The following BACH2 variants were observed in gnomAD, a reference collection of about 807,000 sequenced individuals.
The protein encoded by BACH2 is BACH transcriptional regulator 2.
Under a neutral mutation model 61.8 loss-of-function variants are expected in BACH2, and 5 were observed. The observed-to-expected ratio is 0.08, with a 90% confidence interval of 0.04 to 0.17. The LOEUF (loss-of-function observed/expected upper bound fraction) is 0.17. Among genes scored for constraint, BACH2 ranks in the 10% least tolerant of loss-of-function variants. The probability of loss-of-function intolerance (pLI) is 1.00; values close to 1 mark genes in which losing one functional copy is unlikely to be tolerated. For synonymous variants in BACH2, 446 were observed against 440.1 expected (o/e 1.01, Z -0.17); for missense variants, 824 against 1,091.1 (o/e 0.76, Z 3.45).
intron 4 of BACH2, among the ~76,000 whole-genome samples, chr6:90,106,795 C>T (rs1782940228): frequency 6.6e-6 from 1 of 152,216 alleles, no homozygotes. Flanking sequence ...CACATCACTG[C>T]ATACATCATT....
At chr6:90,147,728 C>T (rs773109320) in intron 4 of BACH2, among the ~76,000 whole-genome samples, 2 of 152,152 alleles carry the variant, frequency 1.3e-5, no homozygotes, top group Non-Finnish European at 2.9e-5. Context: ...TTCTCCTGAG[C>T]ACCGTAATTG....
intron 2 of BACH2, among the ~76,000 whole-genome samples, chr6:90,261,592 G>T (rs1176341574): frequency 1.3e-5 from 2 of 152,176 alleles, no homozygotes; most frequent in Admixed American, 6.5e-5. Context: ...TCCTTCTGCA[G>T]ATTCCTGCTT....
intron 4 of BACH2, among the ~76,000 whole-genome samples, chr6:90,196,499 A>G (rs1429738563): frequency 1.3e-5 from 2 of 152,220 alleles, no homozygotes; most frequent in African/African-American, 4.8e-5. Context: ...CTTATCTTCA[A>G]TACACGTGTC....
chr6:90,172,305 CA>C (rs10713693), intron 4 of BACH2, among the ~76,000 whole-genome samples: 14,127 of 83,492 alleles, frequency 0.17, 2,148 homozygotes, highest in African/African-American at 0.47. Flanking sequence ...GACTCCATCT[CA>C]AAAAAAAAAA....
chr6:89,991,697 A>G (rs28539284), intron 6 of BACH2, among the ~76,000 whole-genome samples: 1 of 152,142 alleles, frequency 6.6e-6, no homozygotes, highest in Non-Finnish European at 1.5e-5. Context: ...AAAGTGCTCC[A>G]AGGATGTCCT....
intron 2 of BACH2, among the ~76,000 whole-genome samples, chr6:90,257,955 T>C (rs1582540416): frequency 6.6e-6 from 1 of 152,268 alleles, no homozygotes; most frequent in East Asian, 1.9e-4. Flanking sequence ...TTTGTATTTT[T>C]AGTAGAGATG....
intron 5 of BACH2, among the ~76,000 whole-genome samples, chr6:90,066,234 C>T (rs1780957446): frequency 1.3e-5 from 2 of 152,106 alleles, no homozygotes; most frequent in African/African-American, 4.8e-5. Context: ...AAAAACCAAA[C>T]CTCATGATCA....
chr6:90,184,887 T>A (rs1768298676), intron 4 of BACH2, among the ~76,000 whole-genome samples: 1 of 152,240 alleles, frequency 6.6e-6, no homozygotes, highest in African/African-American at 2.4e-5. Flanking sequence ...GCGCCATTAC[T>A]TCTCTTTTCA....
At chr6:90,095,563 A>G (rs1213670401) in intron 4 of BACH2, among the ~76,000 whole-genome samples, 1 of 152,210 alleles carries the variant, frequency 6.6e-6, no homozygotes, top group Non-Finnish European at 1.5e-5. Context: ...CAAATACAAC[A>G]AAGAGGTTAT....
intron 1 of BACH2, among the ~76,000 whole-genome samples, chr6:90,283,043 A>G (rs1396462720): frequency 6.6e-6 from 1 of 152,236 alleles, no homozygotes; most frequent in Non-Finnish European, 1.5e-5. Flanking sequence ...ATTTCTGCCA[A>G]TCCAGAGAGT....
At chr6:90,098,976 T>G (rs571183130) in intron 4 of BACH2, among the ~76,000 whole-genome samples, 62 of 152,362 alleles carry the variant, frequency 4.1e-4, no homozygotes, top group African/African-American at 1.4e-3. Context: ...TTGGCAATCT[T>G]GGATCCTGTG....
At chr6:89,943,051 A>G (rs1349008433) in intron 7 of BACH2, among the ~76,000 whole-genome samples, 1 of 152,066 alleles carries the variant, frequency 6.6e-6, no homozygotes, top group African/African-American at 2.4e-5. Flanking sequence ...GCCTCAAGCT[A>G]TCTTCCTTCC....
intron 3 of BACH2, among the ~76,000 whole-genome samples, chr6:90,237,832 G>A (rs955662109): frequency 2.0e-5 from 3 of 152,150 alleles, no homozygotes; most frequent in Non-Finnish European, 4.4e-5. Context: ...ACTCCATCAA[G>A]GTGGACAGAC....
intron 5 of BACH2, among the ~76,000 whole-genome samples, chr6:90,023,326 T>C (rs1407846089): frequency 6.6e-6 from 1 of 152,056 alleles, no homozygotes; most frequent in African/African-American, 2.4e-5. Flanking sequence ...CCATCCCCCT[T>C]GGAGCTGTTG....
intron 3 of BACH2, among the ~76,000 whole-genome samples, chr6:90,230,409 A>T (rs1770056757): frequency 6.6e-6 from 1 of 152,196 alleles, no homozygotes; most frequent in African/African-American, 2.4e-5. Flanking sequence ...AAACAGTTTG[A>T]TGCATATAAA....
intron 4 of BACH2, among the ~76,000 whole-genome samples, chr6:90,163,827 T>C (rs931103771): frequency 1.3e-5 from 2 of 152,182 alleles, no homozygotes; most frequent in African/African-American, 4.8e-5. Context: ...CTAAGACACA[T>C]AATATACTTT....
intron 3 of BACH2, among the ~76,000 whole-genome samples, chr6:90,245,113 C>T (rs974158525): frequency 7.3e-5 from 11 of 151,634 alleles, no homozygotes; most frequent in Admixed American, 5.9e-4. Flanking sequence ...GGGAGAATAT[C>T]GCTTGAACCT....
At position 89,970,873 on chromosome 6, in the gene BACH2, A is replaced by G. The variant is rs142907273; in HGVS notation, c.244-19011T>C. ...ATATTTCTATATCTGGGTCGCAGGG[A>G]AAGTCACAGAAAGAGAGCAAGGCAA... On this transcript the variant is annotated intron_variant, in intron 6 of 8. Coordinates refer to ENST00000257749, the MANE Select transcript of BACH2 (RefSeq NM_021813.4). 3.1e-4 allele frequency among the ~76,000 whole-genome samples: 47 copies of G among 152,336 alleles called. No individual in the cohort carries two copies. In the Middle Eastern group the frequency reaches 0.014, roughly 44 times the overall value.
chr6:90,029,234 A>G (rs9351231), intron 5 of BACH2, among the ~76,000 whole-genome samples: 129,650 of 152,170 alleles, frequency 0.85, 55,841 homozygotes, highest in East Asian at 1. Flanking sequence ...ATTTCAAACA[A>G]CCCTACAAAC....
Sources: allele counts gnomAD v4.1 joint callset (sites outside exome capture counted in the v4.1 genomes callset), GRCh38; gene constraint gnomAD v4.1.1; transcripts MANE v1.5; gene names NCBI Gene and HGNC (gene_info 2026-07-23, HGNC 2026-07-21).